The following PPP2R2B variants were observed in gnomAD, a reference collection of about 807,000 sequenced individuals.
PPP2R2B encodes the protein serine/threonine-protein phosphatase 2A 55 kDa regulatory subunit B beta isoform.
A neutral mutation model predicts 46.0 loss-of-function variants in PPP2R2B; 5 were observed. That is an observed-to-expected ratio of 0.11 (90% CI 0.06 to 0.23). The LOEUF (loss-of-function observed/expected upper bound fraction) is 0.23, where lower values mean the gene tolerates loss of function less well. Ranked by LOEUF, PPP2R2B falls within the 10% of genes least tolerant of loss-of-function variation. The pLI is 1.00. For missense variants in PPP2R2B, 367 were observed against 575.0 expected, an observed-to-expected ratio of 0.64 and a Z score of 3.70; for synonymous variants, 215 against 206.7, an observed-to-expected ratio of 1.04 and a Z score of -0.34.
At chr5:146,970,503 T>C (rs941659017) in intron 1 of PPP2R2B, among the ~76,000 whole-genome samples, 3 of 151,904 alleles carry the variant, frequency 2.0e-5, no homozygotes, top group Non-Finnish European at 4.4e-5. Context: ...GACTGAGGCA[T>C]GGGAATTGCT....
chr5:146,939,996 A>G (rs145606297), intron 1 of PPP2R2B, among the ~76,000 whole-genome samples: 286 of 151,300 alleles, frequency 1.9e-3, no homozygotes, highest in African/African-American at 6.8e-3. Flanking sequence ...TTTACATAGT[A>G]TCTATCTACC....
At chr5:146,932,517 C>A (rs755358514) in intron 1 of PPP2R2B, among the ~76,000 whole-genome samples, 3 of 152,158 alleles carry the variant, frequency 2.0e-5, no homozygotes, top group Admixed American at 6.6e-5. Flanking sequence ...TCTGCTGCCA[C>A]GTAAGACAGG....
chr5:146,698,318 ATATATATATATAT>A (rs1201316194), intron 3 of PPP2R2B, among the ~76,000 whole-genome samples, 174 bp from the exon 4 acceptor site: 2 of 55,698 alleles, frequency 3.6e-5, no homozygotes, highest in East Asian at 7.6e-4. Context: ...AAAAAAAAAA[ATATATATATATAT>A]ATATATATAT....
intron 2 of PPP2R2B, among the ~76,000 whole-genome samples, chr5:146,799,348 A>T (rs1756725315): frequency 6.6e-6 from 1 of 152,216 alleles, no homozygotes; most frequent in Non-Finnish European, 1.5e-5. Context: ...AGCTCTATTT[A>T]CTTTTGGTTA....
intron 1 of PPP2R2B, among the ~76,000 whole-genome samples, chr5:146,890,482 A>G (rs1762461286): frequency 6.6e-6 from 1 of 152,242 alleles, no homozygotes; most frequent in African/African-American, 2.4e-5. Flanking sequence ...AGCACGTGGT[A>G]AACTTAGTTC....
chr5:146,678,241 C>T (rs929993784), intron 5 of PPP2R2B, among the ~76,000 whole-genome samples: 124 of 151,838 alleles, frequency 8.2e-4, no homozygotes, highest in Non-Finnish European at 1.5e-3. Flanking sequence ...GCTCAATATA[C>T]GCAAATCAAT....
At chr5:146,621,768 G>C (rs1773717942) in intron 7 of PPP2R2B, among the ~76,000 whole-genome samples, 1 of 152,204 alleles carries the variant, frequency 6.6e-6, no homozygotes, top group Admixed American at 6.5e-5. Flanking sequence ...ACTGTCCTCT[G>C]ATGCAGAGAG....
In PPP2R2B at chr5:146,833,564, C is replaced by T. The variant is rs115755727; in HGVS notation, c.70+44438G>A. On this transcript the variant is annotated intron_variant, in intron 2 of 9. Coordinates refer to ENST00000394411, the MANE Select transcript of PPP2R2B (RefSeq NM_181675.4). ...GGCAGTGTCTAACTTCAGGGCATTC[C>T]GTGGTTATGAAATCTTGACACCTCA... is the stretch of plus-strand genomic sequence containing the variant. Among the ~76,000 whole-genome samples the T allele has an allele frequency of 3.9e-3, 593 of 152,252 alleles. 6 individuals carry two copies. Among genetic ancestry groups the T allele is most frequent in the African/African-American group, 0.014 (561 of 41,542 alleles).
intron 2 of PPP2R2B, among the ~76,000 whole-genome samples, chr5:146,795,624 T>G (rs1582121816): frequency 6.6e-6 from 1 of 152,106 alleles, no homozygotes; most frequent in Admixed American, 6.6e-5. Flanking sequence ...TACTTGAAAT[T>G]TGCTAAGAGT....
At chr5:146,981,085 A>C (rs984328409) in intron 1 of PPP2R2B, among the ~76,000 whole-genome samples, 1 of 152,134 alleles carries the variant, frequency 6.6e-6, no homozygotes, top group South Asian at 2.1e-4. Flanking sequence ...TGTTTATTGT[A>C]TGTCTCCCAC....
chr5:146,698,967 GA>G (rs938966244), intron 3 of PPP2R2B, among the ~76,000 whole-genome samples: 12 of 151,072 alleles, frequency 7.9e-5, no homozygotes, highest in South Asian at 2.1e-4. Flanking sequence ...GAAGAGAGGA[GA>G]AAAAAAACAG....
chr5:146,997,872 T>G (rs1254800456), intron 1 of PPP2R2B, among the ~76,000 whole-genome samples: 1 of 152,216 alleles, frequency 6.6e-6, no homozygotes, highest in Non-Finnish European at 1.5e-5. Context: ...TGGGTTTTGA[T>G]TTACATCCTC....
chr5:146,623,503 C>G (rs1431545869), intron 7 of PPP2R2B, among the ~76,000 whole-genome samples: 2 of 152,210 alleles, frequency 1.3e-5, no homozygotes, highest in Admixed American at 1.3e-4. Context: ...TTGACCAATT[C>G]ATTGCTTTGT....
intron 2 of PPP2R2B, among the ~76,000 whole-genome samples, chr5:146,767,876 T>C (rs1242748397): frequency 2.6e-5 from 4 of 152,200 alleles, no homozygotes; most frequent in Non-Finnish European, 4.4e-5. Context: ...AAAAATGATC[T>C]GTGCCTAACC....
rs756228450 is a variant in PPP2R2B at position 146,715,638 on chromosome 5, T to C, written c.71-14496A>G. Reference sequence around the variant, plus strand: ...TTTCTCCATTTTTCAGTTGGGAAAATGGTGGCTCAGACAGGATAAATAACT... The same window carrying C: ...TTTCTCCATTTTTCAGTTGGGAAAACGGTGGCTCAGACAGGATAAATAACT... On this transcript the variant is annotated intron_variant, in intron 2 of 9. Coordinates refer to ENST00000394411, the MANE Select transcript of PPP2R2B (RefSeq NM_181675.4). Among the ~76,000 whole-genome samples, 30 of 152,146 alleles carry C rather than the reference T, an allele frequency of 2.0e-4. 2 individuals are homozygous for C. The highest frequency in any genetic ancestry group is 7.4e-5 in the Non-Finnish European group (5 of 68,016).
intron 1 of PPP2R2B, among the ~76,000 whole-genome samples, chr5:147,011,202 A>G (rs4552686): frequency 0.26 from 40,048 of 151,748 alleles, 6,069 homozygotes; most frequent in African/African-American, 0.41. Flanking sequence ...CTTATCCCAA[A>G]TTTTCACATC....
At chr5:147,046,697 C>CTCTTTTGCTAGGAACAA (rs1561597634) in intron 1 of PPP2R2B, among the ~76,000 whole-genome samples, 1 of 151,852 alleles carries the variant, frequency 6.6e-6, no homozygotes, top group African/African-American at 2.4e-5. Context: ...AAACAGGAGC[C>CTCTTTTGCTAGGAACAA]GGCATTTTCA....
chr5:146,863,994 C>A (rs1761163498), intron 2 of PPP2R2B, among the ~76,000 whole-genome samples: 1 of 152,064 alleles, frequency 6.6e-6, no homozygotes, highest in South Asian at 2.1e-4. Flanking sequence ...CAAAGGTATT[C>A]CTTGGAACAG....
At chr5:146,825,321 G>T (rs1365068369) in intron 2 of PPP2R2B, among the ~76,000 whole-genome samples, 1 of 152,190 alleles carries the variant, frequency 6.6e-6, no homozygotes, top group Non-Finnish European at 1.5e-5. Flanking sequence ...ATCTCACAGT[G>T]CAGTGGCCCA....
Sources: gnomAD v4.1 joint callset for allele counts (sites outside exome capture counted in the v4.1 genomes callset) on GRCh38, gnomAD v4.1.1 for gene constraint, MANE v1.5 for transcripts, NCBI Gene and HGNC (gene_info 2026-07-23, HGNC 2026-07-21) for gene names.